Variants in TMEM44 observed in about 807,000 individuals in gnomAD.
TMEM44 encodes transmembrane protein 44.
TMEM44 carries 43 observed loss-of-function variants against 47.8 expected under a neutral mutation model. That is an observed-to-expected ratio of 0.90 (90% CI 0.70 to 1.16). The LOEUF is 1.16. Ranked by LOEUF, TMEM44 falls within the 50% of genes most tolerant of loss-of-function variation. The pLI is 0.00. For missense variants in TMEM44, 568 were observed against 555.2 expected (o/e 1.02, Z -0.23); for synonymous variants, 277 against 238.8 (o/e 1.16, Z -1.48).
chr3:194,622,252 T>C (rs1384119930), intron 5 of TMEM44, among the ~76,000 whole-genome samples: 1 of 152,230 alleles, frequency 6.6e-6, no homozygotes, highest in East Asian at 1.9e-4. Flanking sequence ...TCACGCTCCC[T>C]TCTGAGGTAA....
At chr3:194,590,208 G>A (rs2109142869) in intron 9 of TMEM44, 1 of 152,306 alleles carries the variant, frequency 6.6e-6, no homozygotes, top group Non-Finnish European at 1.5e-5. Context: ...ACAAATTGTG[G>A]CCTTGTTTTG....
intron 9 of TMEM44, among the ~76,000 whole-genome samples, chr3:194,592,330 G>A (rs1712864576): frequency 6.6e-6 from 1 of 152,192 alleles, no homozygotes; most frequent in Non-Finnish European, 1.5e-5. Flanking sequence ...ACAGGCACAG[G>A]TAGTTGTCAC....
At chr3:194,597,180 C>T (rs1402357544) in intron 9 of TMEM44, 1 of 152,214 alleles carries the variant, frequency 6.6e-6, no homozygotes, top group Non-Finnish European at 1.5e-5. Context: ...GTTCCAATGA[C>T]AGAAACAGCC....
intron 2 of TMEM44, among the ~76,000 whole-genome samples, chr3:194,626,683 T>A (rs968666455): frequency 1.7e-5 from 2 of 120,040 alleles, no homozygotes; most frequent in Non-Finnish European, 3.4e-5. Flanking sequence ...GTAGTTAAGT[T>A]TTTTTTTTTT....
chr3:194,590,274 T>C (rs1712485928), intron 9 of TMEM44: 1 of 152,150 alleles, frequency 6.6e-6, no homozygotes, highest in Non-Finnish European at 1.5e-5. Flanking sequence ...CTGAATCGAG[T>C]ACTAATACTT....
At chr3:194,623,825 C>A in intron 3 of TMEM44, 130 bp from the exon 4 acceptor site, 5 of 1,185,216 alleles carry the variant, frequency 4.2e-6, no homozygotes, top group Non-Finnish European at 6.0e-6. Flanking sequence ...ATTCTGCAGG[C>A]CAGCTCCTCC....
chr3:194,599,586 CTTTTTTTTTTT>C (rs35672774), intron 9 of TMEM44, among the ~76,000 whole-genome samples: 16 of 129,036 alleles, frequency 1.2e-4, no homozygotes, highest in Non-Finnish European at 1.6e-5. Flanking sequence ...TTTTTCTTTT[CTTTTTTTTTTT>C]TTTTTGAGAC....
In TMEM44 at chr3:194,611,142, C is replaced by A; in HGVS notation, c.913-122G>T. On this transcript the variant is annotated intron_variant, in intron 7 of 9. Coordinates refer to ENST00000347147, the MANE Select transcript of TMEM44 (RefSeq NM_001011655.3). This position sits in a 1 kb window ranked among gnomAD's most constrained non-coding sequence, Gnocchi z 4.2. The stretch of plus-strand genomic sequence containing the variant: ...GGTATTTTCTCTCTCTCTTTTTTAA[C>A]GGCACGTCTCACTTTCTGCTTCCTA... 2.7e-6 allele frequency: 2 copies of A among 753,274 alleles called. No individual in the cohort carries two copies. Among genetic ancestry groups the A allele is most frequent in the Non-Finnish European group, 4.6e-6 (2 of 438,542 alleles). The allele number at this position is 753,274 out of a possible 1,614,324, so 46.7% of individuals were successfully genotyped here.
At chr3:194,599,337 T>C (rs1474204306) in intron 9 of TMEM44, among the ~76,000 whole-genome samples, 1 of 151,964 alleles carries the variant, frequency 6.6e-6, no homozygotes, top group Non-Finnish European at 1.5e-5. Flanking sequence ...GCTGCATGAG[T>C]GATCCAACAG....
At chr3:194,601,694 C>G (rs1037192995) in intron 9 of TMEM44, among the ~76,000 whole-genome samples, 2 of 152,154 alleles carry the variant, frequency 1.3e-5, no homozygotes, top group Non-Finnish European at 2.9e-5. Context: ...GTGATCCACC[C>G]GCCTCTGCCT....
In TMEM44 at chr3:194,615,257, T is replaced by TA. The variant is rs201355359; in HGVS notation, c.912+311dup. ...ACTCCATCTCAATCAATCAATAGAT[T>TA]AAAAAAAAATAAAAATAAAGCGACC... On this transcript the variant is annotated intron_variant, in intron 7 of 9. Coordinates refer to ENST00000347147, the MANE Select transcript of TMEM44 (RefSeq NM_001011655.3). 3.7e-3 allele frequency among the ~76,000 whole-genome samples: 563 copies of TA among 150,256 alleles called. 1 individual carries two copies. The highest frequency in any genetic ancestry group is 0.011 in the African/African-American group (443 of 40,926).
At chr3:194,594,133 A>G (rs201780621) in intron 9 of TMEM44, among the ~76,000 whole-genome samples, 19,823 of 143,862 alleles carry the variant, frequency 0.14, 1,441 homozygotes, top group East Asian at 0.18. Flanking sequence ...CTATCTATCT[A>G]TCTATCTATC....
At chr3:194,624,806 C>T (rs1268495830) in intron 3 of TMEM44, among the ~76,000 whole-genome samples, 3 of 151,994 alleles carry the variant, frequency 2.0e-5, no homozygotes, top group Admixed American at 6.6e-5. Context: ...CTCCAGTTCC[C>T]GGGTTTAAGC....
chr3:194,606,805 G>C (rs1472825352), intron 8 of TMEM44, among the ~76,000 whole-genome samples: 18 of 151,754 alleles, frequency 1.2e-4, no homozygotes, highest in African/African-American at 3.9e-4. Context: ...AAATAGCCAA[G>C]CATGGTGGCA....
At chr3:194,589,657 TGA>T (rs1712362475) in intron 9 of TMEM44, 1 of 152,000 alleles carries the variant, frequency 6.6e-6, no homozygotes, top group Non-Finnish European at 1.5e-5. Context: ...TTTGCAGGGG[TGA>T]GTGACGGGTT....
chr3:194,629,036 C>A (rs572277797), intron 1 of TMEM44, among the ~76,000 whole-genome samples: 9 of 151,898 alleles, frequency 5.9e-5, no homozygotes, highest in Non-Finnish European at 1.2e-4. Context: ...TGGTGGCGTG[C>A]GCCTGTAATC....
At chr3:194,600,427 C>T (rs1713950139) in intron 9 of TMEM44, among the ~76,000 whole-genome samples, 2 of 151,760 alleles carry the variant, frequency 1.3e-5, no homozygotes. Flanking sequence ...GCCACCATGC[C>T]CAGCCCAGAA....
At chr3:194,612,439 T>C (rs1242979644) in intron 7 of TMEM44, among the ~76,000 whole-genome samples, 1 of 152,114 alleles carries the variant, frequency 6.6e-6, no homozygotes, top group African/African-American at 2.4e-5. Flanking sequence ...TCGGATCACA[T>C]GGTTAAGCCA....
intron 9 of TMEM44, among the ~76,000 whole-genome samples, chr3:194,590,965 G>A (rs960928447): frequency 2.0e-5 from 3 of 152,104 alleles, no homozygotes; most frequent in African/African-American, 4.8e-5. Context: ...AGACTGAGGC[G>A]GGCAGATCAC....
Sources: allele counts gnomAD v4.1 joint callset (sites outside exome capture counted in the v4.1 genomes callset), GRCh38; gene constraint gnomAD v4.1.1; non-coding constraint Gnocchi (gnomAD v3.1); transcripts MANE v1.5; gene names NCBI Gene and HGNC (gene_info 2026-07-23, HGNC 2026-07-21).